Variants in LPIN2 observed in about 807,000 individuals in gnomAD.
The protein encoded by LPIN2 is lipin 2.
Under a neutral mutation model 111.4 loss-of-function variants are expected in LPIN2, and 55 were observed. The observed-to-expected ratio is 0.49, with a 90% confidence interval of 0.40 to 0.62. LPIN2 has a LOEUF of 0.62. Ranked by LOEUF, LPIN2 falls within the 20% of genes least tolerant of loss-of-function variation. LPIN2 has a pLI of 0.00. For synonymous variants in LPIN2, 425 were observed against 414.0 expected (o/e 1.03, Z -0.32); for missense variants, 992 against 1,112.1 (o/e 0.89, Z 1.54).
chr18:2,988,289 G>C (rs1438760328), intron 1 of LPIN2, among the ~76,000 whole-genome samples: 7 of 152,096 alleles, frequency 4.6e-5, no homozygotes, highest in African/African-American at 1.7e-4. Flanking sequence ...CTCTTCAGGA[G>C]AAACGGCAAA....
intron 15 of LPIN2, 81 bp downstream of exon 15, chr18:2,924,317 A>G (rs1215964433): frequency 2.6e-6 from 4 of 1,554,180 alleles, no homozygotes; most frequent in Admixed American, 3.3e-5. Flanking sequence ...GCCCCAGGTG[A>G]GGAACTCCCC....
Position 2,917,235 on chromosome 18 carries a change from T to C in LPIN2, c.*3058A>G, listed in dbSNP as rs1249917059. ...TAAAAGAGCAAAGTTTCCCCTCCCT[T>C]TCTTACTTTCAAACAAAACCAAAAG... On this transcript the variant is annotated 3_prime_UTR_variant, in exon 20 of 20. Transcript: ENST00000677752. 6.6e-6 allele frequency: 1 copy of C among 152,206 alleles called. No homozygotes were observed. Among genetic ancestry groups the C allele is most frequent in the African/African-American group, 2.4e-5 (1 of 41,460 alleles). The allele number at this position is 152,206 out of a possible 1,614,324, so 9.4% of individuals were successfully genotyped here. A position where few individuals can be genotyped will look rare whatever the true frequency, so the allele number is the denominator to read the frequency against.
intron 1 of LPIN2, among the ~76,000 whole-genome samples, chr18:3,003,883 T>C (rs1026956492): frequency 6.6e-6 from 1 of 152,188 alleles, no homozygotes; most frequent in Non-Finnish European, 1.5e-5. Flanking sequence ...AGAGAGCCTA[T>C]AAATGAACGT....
At chr18:2,997,824 C>T (rs1285266034) in intron 1 of LPIN2, among the ~76,000 whole-genome samples, 6 of 152,228 alleles carry the variant, frequency 3.9e-5, no homozygotes, top group Admixed American at 3.3e-4. Context: ...CAATTTCTTG[C>T]TTTTAGCTCT....
At chr18:2,927,648 C>A in intron 12 of LPIN2, 74 bp downstream of exon 12, 5 of 1,543,228 alleles carry the variant, frequency 3.2e-6, no homozygotes, top group Non-Finnish European at 4.5e-6. Context: ...CTGTGCCTGA[C>A]AAAAAGGTTT....
chr18:2,998,921 C>T (rs747343380), intron 1 of LPIN2, among the ~76,000 whole-genome samples: 1 of 152,202 alleles, frequency 6.6e-6, no homozygotes, highest in East Asian at 1.9e-4. Flanking sequence ...AACTCAGATA[C>T]TGTCATTAAA....
chr18:3,006,868 C>T (rs1598617271), intron 1 of LPIN2, among the ~76,000 whole-genome samples: 1 of 151,512 alleles, frequency 6.6e-6, no homozygotes, highest in South Asian at 2.1e-4. Flanking sequence ...AGCATGGTGG[C>T]GCAGGCCTGT....
In LPIN2 at chr18:2,920,796, G is replaced by A. The variant is rs1303387232; in HGVS notation, c.2528C>T (p.Thr843Ile). 5.0e-6 allele frequency: 8 copies of A among 1,613,986 alleles called. No individual in the cohort carries two copies. Among genetic ancestry groups the A allele is most frequent in the Non-Finnish European group, 5.9e-6 (7 of 1,179,870 alleles). Residue 843 changes from threonine (T) to isoleucine (I), a missense_variant, in exon 19 of 20, where the codon ACC becomes ATC. Physicochemically the swap from Thr to Ile is moderately conservative, Grantham distance 89. Around this residue, in one of 4 missense-constraint regions of LPIN2, gnomAD observed 185 missense variants for 186.5 expected, o/e 0.99. Transcript: ENST00000677752. ...NPKGELIQER[T>I]KGNKSSYHRL... ...TACTTACGATGACTTGTTTCCTTTG[G>A]TTCTTTCTTGTATTAATTCACCCTT...
At chr18:3,010,046 C>T (rs992038871) in intron 1 of LPIN2, among the ~76,000 whole-genome samples, 16 of 152,166 alleles carry the variant, frequency 1.1e-4, no homozygotes, top group Non-Finnish European at 1.6e-4. Flanking sequence ...AAGAGCAAGG[C>T]AGCCCACCAA....
In LPIN2 at chr18:2,937,788, T is replaced by C. The variant is rs1468101530; in HGVS notation, c.1072A>G (p.Met358Val). 12 of 1,614,122 alleles carry C rather than the reference T, an allele frequency of 7.4e-6. No individual in the cohort carries two copies. Among genetic ancestry groups the C allele is most frequent in the African/African-American group, 5.3e-5 (4 of 75,014 alleles). Residue 358 changes from methionine (M) to valine (V), a missense_variant, in exon 7 of 20, where the codon ATG becomes GTG. Met to Val is a conservative substitution (Grantham distance 21). Transcript: ENST00000677752. ...PPLESTQISS[M>V]LDADHLPNAA... is the part of the protein sequence containing the mutation. ...TTGGGAAGGTGGTCAGCATCTAACATAGATGAAATCTGAGTACTCTCAAGA... is the reference window on the plus strand; with the variant it reads ...TTGGGAAGGTGGTCAGCATCTAACACAGATGAAATCTGAGTACTCTCAAGA...
chr18:2,936,670 C>G (rs140834383), intron 7 of LPIN2, among the ~76,000 whole-genome samples: 1,530 of 152,282 alleles, frequency 0.01, 29 homozygotes, highest in African/African-American at 0.035. Context: ...AACCTCTGCC[C>G]CAGGGCTCAA....
chr18:3,012,167 T>C (rs956990702), intron 1 of LPIN2, among the ~76,000 whole-genome samples: 8 of 152,178 alleles, frequency 5.3e-5, no homozygotes, highest in Non-Finnish European at 1.2e-4. Flanking sequence ...ACACCAAGTC[T>C]AGAGCCTCGT....
chr18:2,940,952 C>CT, intron 4 of LPIN2, among the ~76,000 whole-genome samples: 1 of 152,208 alleles, frequency 6.6e-6, no homozygotes, highest in Non-Finnish European at 1.5e-5. Context: ...TGTGATTTCT[C>CT]TTTTTTCCAT....
chr18:2,983,167 G>A (rs1047899127), intron 1 of LPIN2, among the ~76,000 whole-genome samples: 2 of 152,190 alleles, frequency 1.3e-5, no homozygotes, highest in African/African-American at 4.8e-5. Flanking sequence ...CATATGGAGA[G>A]TGATCTTACA....
intron 4 of LPIN2, chr18:2,946,566 A>G (rs779404152): frequency 1.7e-6 from 2 of 1,188,270 alleles, no homozygotes; most frequent in Non-Finnish European, 2.5e-6. Flanking sequence ...GGCAAGGCCC[A>G]AACACCGGGA....
chr18:2,971,458 G>A (rs755308038), intron 1 of LPIN2, among the ~76,000 whole-genome samples: 3 of 152,100 alleles, frequency 2.0e-5, no homozygotes, highest in Non-Finnish European at 4.4e-5. Context: ...CCCACCACGC[G>A]GCATGAACAT....
intron 1 of LPIN2, among the ~76,000 whole-genome samples, chr18:2,986,261 G>A (rs1194003803): frequency 2.6e-5 from 4 of 152,148 alleles, no homozygotes; most frequent in Non-Finnish European, 5.9e-5. Context: ...ATTGGGTAAT[G>A]GTTATATAGT....
At chr18:2,983,030 T>G (rs1377018063) in intron 1 of LPIN2, among the ~76,000 whole-genome samples, 1 of 152,146 alleles carries the variant, frequency 6.6e-6, no homozygotes, top group Non-Finnish European at 1.5e-5. Flanking sequence ...TTTACACTGA[T>G]AGGCACCAAG....
Position 2,931,237 on chromosome 18 carries a change from G to A in LPIN2, c.1456+19C>T. 1 of 1,613,046 alleles carries A rather than the reference G, an allele frequency of 6.2e-7. No homozygotes were observed. Among genetic ancestry groups the A allele is most frequent in the Non-Finnish European group, 8.5e-7 (1 of 1,179,304 alleles). ...GATTGCTCTCTGAAATGAAGATGGG[G>A]CACAAACACCCAACGTACCTTTTGA... On this transcript the variant is annotated intron_variant, in intron 9 of 19. Transcript: ENST00000677752.
Sources: allele counts gnomAD v4.1 joint callset (sites outside exome capture counted in the v4.1 genomes callset), GRCh38; gene constraint gnomAD v4.1.1; regional missense constraint gnomAD v4.1.1; transcripts MANE v1.5; gene names NCBI Gene and HGNC (gene_info 2026-07-23, HGNC 2026-07-21).